The following CNTNAP5 variants were observed in gnomAD, a reference collection of about 807,000 sequenced individuals.
CNTNAP5 encodes contactin associated protein family member 5, also known as contactin-associated protein-like 5.
Under a neutral mutation model 150.2 loss-of-function variants are expected in CNTNAP5, and 72 were observed. The ratio of observed to expected loss-of-function variants is 0.48; its 90% CI spans 0.40 to 0.58. CNTNAP5 has a LOEUF of 0.58. Among genes scored for constraint, CNTNAP5 ranks in the 20% least tolerant of loss-of-function variants. CNTNAP5 has a pLI of 0.00. For missense variants in CNTNAP5, 1,636 were observed against 1,626.2 expected (o/e 1.01, Z -0.10); for synonymous variants, 672 against 619.8 (o/e 1.08, Z -1.25).
rs552787173 is a variant in CNTNAP5 at position 124,301,840 on chromosome 2, A to G, written c.381+59447A>G. Among the ~76,000 whole-genome samples the G allele has an allele frequency of 3.9e-5, 6 of 152,330 alleles. No individual in the cohort carries two copies. In the South Asian group the frequency reaches 1.0e-3, roughly 26 times the overall value. On this transcript the variant is annotated intron_variant, in intron 3 of 23. Transcript: ENST00000682447. ...CTCACCACAGGTGACTCCTTACGGGAAAATGTCACTGAAGTACTGTTATGG... is the reference window on the plus strand; with the variant it reads ...CTCACCACAGGTGACTCCTTACGGGGAAATGTCACTGAAGTACTGTTATGG...
At chr2:124,660,325 A>T (rs1324668993) in intron 13 of CNTNAP5, among the ~76,000 whole-genome samples, 2 of 152,110 alleles carry the variant, frequency 1.3e-5, no homozygotes, top group African/African-American at 4.8e-5. Flanking sequence ...GCGTCATAGG[A>T]ATAGAAAGAT....
In CNTNAP5 at chr2:124,446,937, G is replaced by A. The variant is rs559227827; in HGVS notation, c.918G>A (p.Glu306=). Residue 306 remains glutamate (E), a splice_region_variant and synonymous_variant, in exon 6 of 24, where the codon GAG becomes GAA. Transcript: ENST00000682447. The stretch of plus-strand genomic sequence containing the variant: ...CGGATGCCTTAGACATTGACTATGA[G>A]GTGAGTTGATCCTCCTTCCTGCACC... ...GETDALDIDY[E]LSFGGIPVPG... 6.2e-7 allele frequency: 1 copy of A among 1,612,164 alleles called. No homozygotes were observed. The highest frequency in any genetic ancestry group is 1.3e-5 in the African/African-American group (1 of 74,986).
intron 12 of CNTNAP5, among the ~76,000 whole-genome samples, chr2:124,615,771 A>G (rs1677481285): frequency 6.6e-6 from 1 of 152,212 alleles, no homozygotes; most frequent in African/African-American, 2.4e-5. Context: ...GTAGACTTAT[A>G]AACTGTATTT....
chr2:124,875,214 T>C (rs1677829330), intron 21 of CNTNAP5, among the ~76,000 whole-genome samples: 1 of 152,076 alleles, frequency 6.6e-6, no homozygotes, highest in Admixed American at 6.6e-5. Flanking sequence ...AAAATCACTT[T>C]ACAAGCATCT....
chr2:124,317,154 A>C (rs1277421776), intron 3 of CNTNAP5, among the ~76,000 whole-genome samples: 3 of 152,208 alleles, frequency 2.0e-5, no homozygotes, highest in Non-Finnish European at 4.4e-5. Context: ...AACTAAGACC[A>C]TAAAAACCTC....
chr2:124,493,733 A>T (rs1694084659), intron 7 of CNTNAP5, among the ~76,000 whole-genome samples: 1 of 152,050 alleles, frequency 6.6e-6, no homozygotes, highest in South Asian at 2.1e-4. Context: ...TGAGAAGTTG[A>T]CTTCTATAAC....
chr2:124,643,247 A>G (rs1678131815), intron 12 of CNTNAP5, among the ~76,000 whole-genome samples: 1 of 152,212 alleles, frequency 6.6e-6, no homozygotes, highest in Non-Finnish European at 1.5e-5. Flanking sequence ...TAGTCAATAC[A>G]TGTATGCCTT....
At chr2:124,861,041 G>C (rs1165621924) in intron 19 of CNTNAP5, among the ~76,000 whole-genome samples, 1 of 151,614 alleles carries the variant, frequency 6.6e-6, no homozygotes, top group East Asian at 1.9e-4. Context: ...AAATTAAAGA[G>C]AAAAAGCATT....
chr2:124,279,419 T>C (rs1687961276), intron 3 of CNTNAP5, among the ~76,000 whole-genome samples: 1 of 152,080 alleles, frequency 6.6e-6, no homozygotes. Context: ...CCCAGAATTC[T>C]GTGTAGTATG....
At chr2:124,843,796 G>A (rs1401856074) in intron 19 of CNTNAP5, among the ~76,000 whole-genome samples, 2 of 151,892 alleles carry the variant, frequency 1.3e-5, no homozygotes, top group Non-Finnish European at 2.9e-5. Flanking sequence ...TTGTCTATTT[G>A]TATATTTTCT....
At chr2:124,224,982 T>C (rs773434746) in intron 2 of CNTNAP5, among the ~76,000 whole-genome samples, 13 of 152,144 alleles carry the variant, frequency 8.5e-5, no homozygotes, top group Non-Finnish European at 1.9e-4. Context: ...AACTTATCTT[T>C]TGTTTTACAA....
chr2:124,638,108 A>G (rs1402299098), intron 12 of CNTNAP5, among the ~76,000 whole-genome samples: 4 of 151,612 alleles, frequency 2.6e-5, no homozygotes, highest in Non-Finnish European at 5.9e-5. Flanking sequence ...TTATGAGTTC[A>G]TAAGGTTATT....
intron 19 of CNTNAP5, among the ~76,000 whole-genome samples, chr2:124,804,827 G>C (rs1344473570): frequency 1.3e-5 from 2 of 152,144 alleles, no homozygotes; most frequent in Non-Finnish European, 2.9e-5. Context: ...CATTGACAAA[G>C]GTCAAATGAG....
At chr2:124,747,614 C>CTTTTTTT (rs11351693) in intron 14 of CNTNAP5, among the ~76,000 whole-genome samples, 3 of 53,232 alleles carry the variant, frequency 5.6e-5, no homozygotes, top group African/African-American at 8.3e-5. Context: ...GCTGCTTCTT[C>CTTTTTTT]TTTTTTTTTT....
intron 13 of CNTNAP5, among the ~76,000 whole-genome samples, chr2:124,739,679 T>C (rs1376378885): frequency 1.3e-5 from 2 of 152,114 alleles, no homozygotes; most frequent in African/African-American, 4.8e-5. Context: ...GAAAATCAGA[T>C]CTCCTTTTCT....
intron 21 of CNTNAP5, among the ~76,000 whole-genome samples, chr2:124,887,088 T>G (rs1461823596): frequency 2.6e-5 from 4 of 152,088 alleles, no homozygotes; most frequent in Admixed American, 2.6e-4. Flanking sequence ...GTATGGTTGT[T>G]AAGTGGACCC....
At chr2:124,133,310 CA>C (rs763762947) in intron 1 of CNTNAP5, among the ~76,000 whole-genome samples, 58 of 150,704 alleles carry the variant, frequency 3.8e-4, no homozygotes, top group African/African-American at 1.2e-3. Flanking sequence ...AAAAACAAAA[CA>C]AAAAAAAAGG....
intron 1 of CNTNAP5, among the ~76,000 whole-genome samples, chr2:124,218,705 G>T (rs187582440): frequency 6.6e-6 from 1 of 152,108 alleles, no homozygotes; most frequent in African/African-American, 2.4e-5. Flanking sequence ...CAAGTTAATG[G>T]GCTCTGGAAG....
Position 124,363,212 on chromosome 2 carries a change from C to T in CNTNAP5, c.382-54231C>T, listed in dbSNP as rs554670108. On this transcript the variant is annotated intron_variant, in intron 3 of 23. Coordinates refer to ENST00000682447, the MANE Select transcript of CNTNAP5 (RefSeq NM_001367498.1). ...TCTTATTTGATCACTTCTTCAGTTA[C>T]TTCTTGGACACTTCATTGTTTGGAT... 1.5e-3 allele frequency among the ~76,000 whole-genome samples: 221 copies of T among 152,308 alleles called. 1 individual carries two copies. Among genetic ancestry groups the T allele is most frequent in the African/African-American group, 5.1e-3 (213 of 41,570 alleles).
Sources: gnomAD v4.1 joint callset for allele counts (sites outside exome capture counted in the v4.1 genomes callset) on GRCh38, gnomAD v4.1.1 for gene constraint, MANE v1.5 for transcripts, NCBI Gene and HGNC (gene_info 2026-07-23, HGNC 2026-07-21) for gene names.